The following GLS variants were observed in gnomAD, a reference collection of about 807,000 sequenced individuals.
GLS encodes glutaminase.
Under a neutral mutation model 86.7 loss-of-function variants are expected in GLS, and 36 were observed. The observed-to-expected ratio is 0.42, with a 90% confidence interval of 0.32 to 0.55. The LOEUF (loss-of-function observed/expected upper bound fraction) is 0.55. Ranked by LOEUF, GLS falls within the 20% of genes least tolerant of loss-of-function variation. The probability of loss-of-function intolerance (pLI) is 0.17; values close to 1 mark genes in which losing one functional copy is unlikely to be tolerated. For synonymous variants in GLS, 317 were observed against 305.9 expected (o/e 1.04, Z -0.38); for missense variants, 528 against 833.4 (o/e 0.63, Z 4.51).
rs1559318257 is a variant in GLS, at chr2:190,895,498, G to A, written c.484-106G>A. 5.5e-6 allele frequency: 4 copies of A among 732,760 alleles called. No individual in the cohort carries two copies. The highest frequency in any genetic ancestry group is 8.8e-6 in the Non-Finnish European group (4 of 455,158). 45.4% of individuals were successfully genotyped at this position (732,760 alleles called of 1,614,324 possible). A position where few individuals can be genotyped will look rare whatever the true frequency, so the allele number is the denominator to read the frequency against. Reference sequence around the variant, plus strand: ...ACTAAGATGCCATATTCATGTTCAAGTGTTGGGTAGAAGTTTTTATATACA... The same window carrying A: ...ACTAAGATGCCATATTCATGTTCAAATGTTGGGTAGAAGTTTTTATATACA... On this transcript the variant is annotated intron_variant, in intron 2 of 17. Transcript: ENST00000320717. The surrounding 1 kb of genome is among the most constrained non-coding windows in gnomAD (Gnocchi z 4.2).
rs555355833 is a variant in GLS at position 190,955,757 on chromosome 2, C to T, written c.1853+939C>T. Among the ~76,000 whole-genome samples the T allele has an allele frequency of 4.6e-5, 7 of 152,338 alleles. No homozygotes were observed. The South Asian group carries it at 8.3e-4, about 18-fold the overall frequency. ...TACACTCCCACTAACAGTGTAAAAG[C>T]GTTCCTATTTCTCCACATCCTCTCC... On this transcript the variant is annotated intron_variant, in intron 17 of 17. Transcript: ENST00000320717. This position sits in a 1 kb window ranked among gnomAD's most constrained non-coding sequence, Gnocchi z 5.6.
rs538300652 is a variant in GLS, at chr2:190,897,786, A to G, written c.605+2061A>G. On this transcript the variant is annotated intron_variant, in intron 3 of 17. Coordinates refer to ENST00000320717, the MANE Select transcript of GLS (RefSeq NM_014905.5). The surrounding 1 kb of genome is among the most constrained non-coding windows in gnomAD (Gnocchi z 4.3). ...ATGGGATTCATTTTTCCCCAGAGAA[A>G]TAATTTATAAAGGTGGGTAGGTTTG... 6.6e-6 allele frequency among the ~76,000 whole-genome samples: 1 copy of G among 152,228 alleles called. No homozygotes were observed. The highest frequency in any genetic ancestry group is 6.5e-5 in the Admixed American group (1 of 15,284).
chr2:190,960,368 T>A (rs1273654529), intron 17 of GLS, among the ~76,000 whole-genome samples: 1 of 146,316 alleles, frequency 6.8e-6, no homozygotes, highest in African/African-American at 2.5e-5. Context: ...AATTTTTTTT[T>A]TTTTTTTTTT....
chr2:190,913,132 A>G lies in GLS; in HGVS notation c.1038+2811A>G. 2.3e-6 allele frequency: 3 copies of G among 1,277,236 alleles called. No homozygotes were observed. Among genetic ancestry groups the G allele is most frequent in the Non-Finnish European group, 3.1e-6 (3 of 964,730 alleles). 79.1% of individuals were successfully genotyped at this position (1,277,236 alleles called of 1,614,324 possible). On this transcript the variant is annotated intron_variant, in intron 7 of 17. Coordinates refer to ENST00000320717, the MANE Select transcript of GLS (RefSeq NM_014905.5). The surrounding 1 kb of genome is among the most constrained non-coding windows in gnomAD (Gnocchi z 6.1). ...TAATCCCCCCACCCCAAAATTAAGT[A>G]GAGTCTTTAGTAAGACTCTTGATTT...
Position 190,938,756 on chromosome 2 carries a change from A to C in GLS, c.1650+7119A>C, listed in dbSNP as rs927231342. ...AGCATAATTGGCAGTAGTTAATGTG[A>C]CTATAAGTTATTTGGCAGATGGTAC... On this transcript the variant is annotated intron_variant, in intron 14 of 17. Transcript: ENST00000320717. The surrounding 1 kb of genome is among the most constrained non-coding windows in gnomAD (Gnocchi z 4.1). Among the ~76,000 whole-genome samples the C allele has an allele frequency of 3.3e-5, 5 of 151,670 alleles. No individual in the cohort carries two copies. Among genetic ancestry groups the C allele is most frequent in the Non-Finnish European group, 1.5e-5 (1 of 67,624 alleles).
chr2:190,900,775 G>A, intron 4 of GLS, 82 bp downstream of exon 4: 2 of 1,070,958 alleles, frequency 1.9e-6, no homozygotes, highest in South Asian at 1.5e-5. Flanking sequence ...AGTAAATTGT[G>A]TAGTTGTGTT....
At chr2:190,902,671 G>A (rs1688986225) in intron 5 of GLS, among the ~76,000 whole-genome samples, 1 of 152,120 alleles carries the variant, frequency 6.6e-6, no homozygotes, top group East Asian at 1.9e-4. Context: ...AAATGGTAAA[G>A]TTCTAGAATA....
At chr2:190,941,820 A>C (rs190216110) in intron 14 of GLS, among the ~76,000 whole-genome samples, 1 of 152,248 alleles carries the variant, frequency 6.6e-6, no homozygotes, top group African/African-American at 2.4e-5. Flanking sequence ...CATATTATGT[A>C]GAGTGGGCCT....
chr2:190,940,905 G>A (rs1333324919), intron 14 of GLS, among the ~76,000 whole-genome samples: 3 of 151,702 alleles, frequency 2.0e-5, no homozygotes, highest in Non-Finnish European at 4.4e-5. Flanking sequence ...TTTCTACCAA[G>A]TAAGAACTAA....
chr2:190,900,155 T>C (rs967667235), intron 3 of GLS, among the ~76,000 whole-genome samples: 1 of 152,182 alleles, frequency 6.6e-6, no homozygotes, highest in African/African-American at 2.4e-5. Context: ...ATATAAGAAC[T>C]AAGAGATGTA....
At chr2:190,888,795 G>C (rs974211578) in intron 1 of GLS, among the ~76,000 whole-genome samples, 1 of 152,084 alleles carries the variant, frequency 6.6e-6, no homozygotes, top group Non-Finnish European at 1.5e-5. Flanking sequence ...TTTGTATCTT[G>C]TATCAGTTGA....
At chr2:190,881,635 C>T (rs927608917) in intron 1 of GLS, 165 bp downstream of exon 1, 11 of 609,918 alleles carry the variant, frequency 1.8e-5, no homozygotes, top group Admixed American at 8.1e-5. Context: ...TAGGCCCGGC[C>T]CCGCCCGCGC....
At chr2:190,928,020 A>G (rs2124909652) in intron 12 of GLS, among the ~76,000 whole-genome samples, 1 of 152,042 alleles carries the variant, frequency 6.6e-6, no homozygotes, top group Middle Eastern at 3.4e-3. Context: ...TATTTTGGAA[A>G]TTTTCAAACA....
chr2:190,954,539 A>C lies in GLS; in HGVS notation c.1713-45A>C. The C allele has an allele frequency of 7.7e-7, 1 of 1,306,946 alleles. No individual in the cohort carries two copies. Among genetic ancestry groups the C allele is most frequent in the Non-Finnish European group, 1.1e-6 (1 of 917,372 alleles). The allele number at this position is 1,306,946 out of a possible 1,614,324, so 81.0% of individuals were successfully genotyped here. A position where few individuals can be genotyped will look rare whatever the true frequency, so the allele number is the denominator to read the frequency against. ...GAGTGAATGTTACCAGTGTGAATTA[A>C]ATTTGCTTTATATATAATAAATAGC... On this transcript the variant is annotated intron_variant, in intron 15 of 17. Transcript: ENST00000320717. The surrounding 1 kb of genome is among the most constrained non-coding windows in gnomAD (Gnocchi z 4.0).
In GLS at chr2:190,949,771, C is replaced by T. The variant is rs1690669710; in HGVS notation, c.1651-3794C>T. 1.3e-5 allele frequency among the ~76,000 whole-genome samples: 2 copies of T among 151,916 alleles called. No homozygotes were observed. The highest frequency in any genetic ancestry group is 4.8e-5 in the African/African-American group (2 of 41,424). ...AATACCCAAAATTGAATATTTGATGCCTTGAGGGAGAATATTCACTTAGTC... is the reference window on the plus strand; with the variant it reads ...AATACCCAAAATTGAATATTTGATGTCTTGAGGGAGAATATTCACTTAGTC... On this transcript the variant is annotated intron_variant, in intron 14 of 17. Transcript: ENST00000320717. The surrounding 1 kb of genome is among the most constrained non-coding windows in gnomAD (Gnocchi z 4.0).
intron 11 of GLS, among the ~76,000 whole-genome samples, chr2:190,925,433 C>T (rs1000299876): frequency 1.3e-5 from 2 of 152,120 alleles, no homozygotes; most frequent in Admixed American, 6.6e-5. Flanking sequence ...GACCGTGTTA[C>T]GCACAATGGG....
At chr2:190,892,461 T>C (rs1394190374) in intron 1 of GLS, among the ~76,000 whole-genome samples, 1 of 152,212 alleles carries the variant, frequency 6.6e-6, no homozygotes, top group East Asian at 1.9e-4. Flanking sequence ...GAAAGATTGC[T>C]ATAATCCTAT....
In GLS at chr2:190,962,334, T is replaced by G. The variant is rs1268504662; in HGVS notation, c.1854-496T>G. On this transcript the variant is annotated intron_variant, in intron 17 of 17. Coordinates refer to ENST00000320717, the MANE Select transcript of GLS (RefSeq NM_014905.5). The surrounding 1 kb of genome is among the most constrained non-coding windows in gnomAD (Gnocchi z 4.2). ...GGGCCAATCTTGCTCCTCCAGTGTG[T>G]TTTAGCCCTAATGAGGTCATGGTTA... Among the ~76,000 whole-genome samples the G allele has an allele frequency of 6.6e-6, 1 of 152,214 alleles. No homozygotes were observed. The highest frequency in any genetic ancestry group is 1.9e-4 in the East Asian group (1 of 5,200).
Position 190,897,245 on chromosome 2 carries a change from G to A in GLS, c.605+1520G>A, listed in dbSNP as rs1688773936. ...TCACCACGTTGTCCAGGCTGGTCTCGAACTCCTGACCTCAGGTAATCCATC... is the reference window on the plus strand; with the variant it reads ...TCACCACGTTGTCCAGGCTGGTCTCAAACTCCTGACCTCAGGTAATCCATC... On this transcript the variant is annotated intron_variant, in intron 3 of 17. Coordinates refer to ENST00000320717, the MANE Select transcript of GLS (RefSeq NM_014905.5). This position sits in a 1 kb window ranked among gnomAD's most constrained non-coding sequence, Gnocchi z 4.3. Among the ~76,000 whole-genome samples, 2 of 152,140 alleles carry A rather than the reference G, an allele frequency of 1.3e-5. No homozygotes were observed. Among genetic ancestry groups the A allele is most frequent in the African/African-American group, 2.4e-5 (1 of 41,494 alleles).
Sources: allele counts gnomAD v4.1 joint callset (sites outside exome capture counted in the v4.1 genomes callset), GRCh38; gene constraint gnomAD v4.1.1; non-coding constraint Gnocchi (gnomAD v3.1); transcripts MANE v1.5; gene names NCBI Gene and HGNC (gene_info 2026-07-23, HGNC 2026-07-21).